The following PTPRD variants were observed in gnomAD, a reference collection of about 807,000 sequenced individuals.
The protein encoded by PTPRD is receptor-type tyrosine-protein phosphatase delta.
Under a neutral mutation model 214.5 loss-of-function variants are expected in PTPRD, and 34 were observed. That is an observed-to-expected ratio of 0.16 (90% CI 0.12 to 0.21). The LOEUF (loss-of-function observed/expected upper bound fraction) is 0.21, where lower values mean the gene tolerates loss of function less well. PTPRD is among the 10% of genes least tolerant of loss of function. The pLI is 1.00. For missense variants in PTPRD, 2,545 were observed against 2,398.7 expected, an observed-to-expected ratio of 1.06 and a Z score of -1.27; for synonymous variants, 1,128 against 845.7, an observed-to-expected ratio of 1.33 and a Z score of -5.79.
At chr9:8,591,632 T>C (rs570634018) in intron 14 of PTPRD, among the ~76,000 whole-genome samples, 30 of 152,314 alleles carry the variant, frequency 2.0e-4, no homozygotes, top group African/African-American at 7.2e-4. Flanking sequence ...ATCTTAAGAA[T>C]TTCTGAAGCT....
intron 5 of PTPRD, among the ~76,000 whole-genome samples, chr9:9,850,155 G>T (rs577079817): frequency 2.0e-5 from 3 of 152,102 alleles, no homozygotes; most frequent in South Asian, 2.1e-4. Context: ...CCACTGAAAG[G>T]TATTTATTTC....
At chr9:10,013,472 A>G (rs1053177492) in intron 4 of PTPRD, among the ~76,000 whole-genome samples, 1 of 151,794 alleles carries the variant, frequency 6.6e-6, no homozygotes, top group African/African-American at 2.4e-5. Flanking sequence ...AACAAGCCAT[A>G]CCAAAAGGGC....
intron 7 of PTPRD, among the ~76,000 whole-genome samples, chr9:9,654,664 T>C (rs1227498384): frequency 6.6e-6 from 1 of 152,206 alleles, no homozygotes; most frequent in African/African-American, 2.4e-5. Context: ...AATTTTTCTG[T>C]CCTCAGGTTA....
chr9:9,369,315 A>G (rs1336278128), intron 9 of PTPRD, among the ~76,000 whole-genome samples: 1 of 152,038 alleles, frequency 6.6e-6, no homozygotes, highest in African/African-American at 2.4e-5. Context: ...CTGGTGTGAG[A>G]TGGTATCTCA....
intron 2 of PTPRD, among the ~76,000 whole-genome samples, chr9:10,462,148 T>C (rs1161974939): frequency 6.6e-6 from 1 of 152,060 alleles, no homozygotes; most frequent in Non-Finnish European, 1.5e-5. Context: ...ATGAGTAAAT[T>C]ATAGCTGCTT....
chr9:8,731,751 G>A (rs2098661481), intron 12 of PTPRD, among the ~76,000 whole-genome samples: 1 of 152,132 alleles, frequency 6.6e-6, no homozygotes, highest in South Asian at 2.1e-4. Context: ...AAAAGATATG[G>A]TTAAATTTTC....
At chr9:9,318,515 T>C (rs778195930) in intron 9 of PTPRD, among the ~76,000 whole-genome samples, 6 of 152,296 alleles carry the variant, frequency 3.9e-5, no homozygotes, top group East Asian at 1.9e-4. Flanking sequence ...AACCAAAGTA[T>C]TACAAAATGT....
At chr9:10,479,660 A>AATAAATAAATAAATAAATAAAT (rs763212006) in intron 2 of PTPRD, among the ~76,000 whole-genome samples, 38 of 91,010 alleles carry the variant, frequency 4.2e-4, no homozygotes, top group African/African-American at 9.8e-4. Context: ...TAAATAAATA[A>AATAAATAAATAAATAAATAAAT]ACAAAAATAC....
chr9:9,540,332 G>A (rs2077326338), intron 8 of PTPRD, among the ~76,000 whole-genome samples: 1 of 151,768 alleles, frequency 6.6e-6, no homozygotes, highest in Admixed American at 6.6e-5. Flanking sequence ...AAAGAGACAT[G>A]ATTTCTACCT....
intron 2 of PTPRD, among the ~76,000 whole-genome samples, chr9:10,609,185 T>C (rs1359322544): frequency 6.6e-6 from 1 of 152,072 alleles, no homozygotes; most frequent in East Asian, 1.9e-4. Flanking sequence ...ATAATGTTAT[T>C]TGCTGCATTA....
chr9:10,423,454 T>C (rs2098571881), intron 2 of PTPRD, among the ~76,000 whole-genome samples: 3 of 151,836 alleles, frequency 2.0e-5, no homozygotes. Context: ...TAAAATATAA[T>C]TTAAAAAAAG....
At chr9:9,723,403 T>C (rs992178582) in intron 7 of PTPRD, among the ~76,000 whole-genome samples, 1 of 152,130 alleles carries the variant, frequency 6.6e-6, no homozygotes, top group Non-Finnish European at 1.5e-5. Flanking sequence ...TCTATGCTTG[T>C]AACAATGCCA....
chr9:9,610,671 G>GA (rs1419476799), intron 7 of PTPRD, among the ~76,000 whole-genome samples: 2 of 152,092 alleles, frequency 1.3e-5, no homozygotes, highest in Admixed American at 1.3e-4. Context: ...AATTATCTGA[G>GA]ATTTATGAAG....
At chr9:9,101,987 T>G (rs1305989160) in intron 10 of PTPRD, among the ~76,000 whole-genome samples, 1 of 152,182 alleles carries the variant, frequency 6.6e-6, no homozygotes, top group East Asian at 1.9e-4. Flanking sequence ...CACAACTTTT[T>G]TGGGGCTAAT....
chr9:9,200,183 AAAC>A lies in PTPRD; in HGVS notation c.-202-16823_-202-16821del, dbSNP rs548901599. ...CCAGCTTGGCAAACAAACAAAAACA[AAAC>A]AAAACCATGAAGAGGAGTTTAGAAA... is the stretch of plus-strand genomic sequence containing the variant. On this transcript the variant is annotated intron_variant, in intron 9 of 45. Transcript: ENST00000381196. 1.5e-4 allele frequency among the ~76,000 whole-genome samples: 23 copies of A among 152,348 alleles called. No homozygotes were observed. In the South Asian group the frequency reaches 4.8e-3, roughly 32 times the overall value.
intron 11 of PTPRD, among the ~76,000 whole-genome samples, chr9:8,928,561 T>C (rs1567052140): frequency 1.7e-5 from 2 of 118,188 alleles, no homozygotes; most frequent in African/African-American, 3.1e-5. Context: ...CGTTGGTCTA[T>C]ATCTCTGTTT....
chr9:8,504,963 ATCACGTTAG>A (rs2097509955), intron 22 of PTPRD, among the ~76,000 whole-genome samples: 1 of 152,210 alleles, frequency 6.6e-6, no homozygotes, highest in Non-Finnish European at 1.5e-5. Context: ...TGGGTAAAAT[ATCACGTTAG>A]TCACTAAAGA....
chr9:10,573,785 A>G (rs1207057655), intron 2 of PTPRD, among the ~76,000 whole-genome samples: 1 of 152,188 alleles, frequency 6.6e-6, no homozygotes, highest in African/African-American at 2.4e-5. Flanking sequence ...AAGGAGTAGG[A>G]AAGAGAAGAA....
intron 3 of PTPRD, among the ~76,000 whole-genome samples, chr9:10,208,437 C>T (rs1050324371): frequency 2.0e-5 from 3 of 152,190 alleles, no homozygotes; most frequent in Non-Finnish European, 4.4e-5. Context: ...GGGCGTGAAC[C>T]CGGGAGGCGG....
Sources: gnomAD v4.1 joint callset for allele counts (sites outside exome capture counted in the v4.1 genomes callset) on GRCh38, gnomAD v4.1.1 for gene constraint, MANE v1.5 for transcripts, NCBI Gene and HGNC (gene_info 2026-07-23, HGNC 2026-07-21) for gene names.